The following EP400 variants were observed in gnomAD, a reference collection of about 807,000 sequenced individuals.
The protein encoded by EP400 is E1A-binding protein p400.
In EP400, 105 loss-of-function variants were observed where a neutral mutation model predicts 354.1. The ratio of observed to expected loss-of-function variants is 0.30; its 90% CI spans 0.25 to 0.35. EP400 has a LOEUF of 0.35. EP400 is among the 10% of genes least tolerant of loss of function. The pLI is 1.00. For synonymous variants in EP400, 1,646 were observed against 1,716.9 expected, an observed-to-expected ratio of 0.96 and a Z score of 1.02; for missense variants, 3,280 against 4,121.0, an observed-to-expected ratio of 0.80 and a Z score of 5.59.
At position 132,028,281 on chromosome 12, in the gene EP400, A is replaced by G; in HGVS notation, c.5374A>G (p.Ile1792Val). The G allele has an allele frequency of 6.2e-7, 1 of 1,613,236 alleles. No homozygotes were observed. Residue 1792 changes from isoleucine (I) to valine (V), a missense_variant, in exon 27 of 53, where the codon ATT becomes GTT. This residue lies in a region of EP400 where 459 missense variants were observed against 496.9 expected (regional missense o/e 0.92). Coordinates refer to ENST00000389561, the MANE Select transcript of EP400 (RefSeq NM_015409.5). Reference protein sequence around the residue: ...CRCGESLQDVIDRVAFVIPPV... With the variant: ...CRCGESLQDVVDRVAFVIPPV... ...GTGTGGAGAGTCTCTGCAGGATGTTATTGACAGGTACTGCAGACCTCGTGA... is the reference window on the plus strand; with the variant it reads ...GTGTGGAGAGTCTCTGCAGGATGTTGTTGACAGGTACTGCAGACCTCGTGA...
At chr12:131,959,845 G>A (rs1328364676) in intron 1 of EP400, among the ~76,000 whole-genome samples, 1 of 152,204 alleles carries the variant, frequency 6.6e-6, no homozygotes, top group Non-Finnish European at 1.5e-5. Flanking sequence ...CCAGGGCAAG[G>A]ACTGTCTTAC....
intron 2 of EP400, among the ~76,000 whole-genome samples, chr12:131,979,033 G>A (rs1049767345): frequency 2.6e-5 from 4 of 151,984 alleles, no homozygotes; most frequent in East Asian, 1.9e-4. Context: ...TGGCTAATGC[G>A]GTGAAACCCC....
chr12:132,045,022 C>CT (rs1482032764), intron 37 of EP400, 69 bp downstream of exon 37: 1 of 1,583,992 alleles, frequency 6.3e-7, no homozygotes, highest in South Asian at 1.1e-5. Flanking sequence ...ATGTCAGCCA[C>CT]TTTCTGCTGT....
chr12:132,076,815 C>T (rs1477324208), intron 52 of EP400, among the ~76,000 whole-genome samples: 1 of 152,244 alleles, frequency 6.6e-6, no homozygotes, highest in East Asian at 1.9e-4. Flanking sequence ...GGCTCATTCC[C>T]AGGACCCTTC....
At chr12:131,986,349 G>A (rs758464358) in intron 5 of EP400, among the ~76,000 whole-genome samples, 165 bp from the exon 6 acceptor site, 2 of 152,236 alleles carry the variant, frequency 1.3e-5, no homozygotes, top group African/African-American at 2.4e-5. Flanking sequence ...TTGTGGACAC[G>A]TTAGTGTTGG....
At chr12:132,060,245 C>T (rs1474102709) in intron 45 of EP400, among the ~76,000 whole-genome samples, 1 of 152,068 alleles carries the variant, frequency 6.6e-6, no homozygotes, top group Non-Finnish European at 1.5e-5. Context: ...ACATCCTACA[C>T]ACAACATGGG....
chr12:132,077,279 C>T (rs1896265676), intron 52 of EP400, 122 bp from the exon 53 acceptor site: 8 of 1,245,440 alleles, frequency 6.4e-6, no homozygotes, highest in Admixed American at 2.4e-5. Flanking sequence ...GTCATTCTTC[C>T]GTGTCATAAA....
intron 2 of EP400, among the ~76,000 whole-genome samples, chr12:131,976,953 C>T (rs541238940): frequency 3.9e-5 from 6 of 152,246 alleles, no homozygotes; most frequent in African/African-American, 9.6e-5. Flanking sequence ...AGGTTTGAGC[C>T]GTTCCATAGA....
chr12:131,963,542 T>C, intron 2 of EP400: 3 of 1,598,042 alleles, frequency 1.9e-6, no homozygotes, highest in Non-Finnish European at 2.5e-6. Flanking sequence ...GTAAAGGTTG[T>C]GACAGGAAAG....
Position 132,077,971 on chromosome 12 carries a change from T to C in EP400, c.*298T>C. The stretch of plus-strand genomic sequence containing the variant: ...CACCCGTCCCCTAGAGCCATAGTAC[T>C]GTGTTCTGAAAGCCATTTAGAATTT... On this transcript the variant is annotated 3_prime_UTR_variant, in exon 53 of 53. Transcript: ENST00000389561. The C allele has an allele frequency of 5.2e-6, 2 of 381,140 alleles. No homozygotes were observed. Among genetic ancestry groups the C allele is most frequent in the East Asian group, 4.7e-5 (1 of 21,318 alleles). The allele number at this position is 381,140 out of a possible 1,614,324, so 23.6% of individuals were successfully genotyped here.
intron 48 of EP400, chr12:132,066,399 G>A (rs1000100705): frequency 4.8e-6 from 1 of 208,416 alleles, no homozygotes; most frequent in African/African-American, 2.4e-5. Flanking sequence ...TGAGGGACAG[G>A]CTGATGTCGA....
At chr12:132,002,978 G>A (rs1893467207) in intron 12 of EP400, among the ~76,000 whole-genome samples, 1 of 152,150 alleles carries the variant, frequency 6.6e-6, no homozygotes, top group African/African-American at 2.4e-5. Context: ...ATGTCCATGG[G>A]TTTCAAATCC....
chr12:132,020,978 G>A lies in EP400; in HGVS notation c.4448-101G>A, dbSNP rs545288706. ...GAGGGGACTTCTCATTTGAGAGACG[G>A]TGTGAAATGTTTATTTTATTTCTTT... On this transcript the variant is annotated intron_variant, in intron 22 of 52. Coordinates refer to ENST00000389561, the MANE Select transcript of EP400 (RefSeq NM_015409.5). 8.7e-5 allele frequency: 121 copies of A among 1,396,412 alleles called. No homozygotes were observed. The African/African-American group carries it at 1.6e-3, about 19-fold the overall frequency. 86.5% of individuals were successfully genotyped at this position (1,396,412 alleles called of 1,614,324 possible). A position where few individuals can be genotyped will look rare whatever the true frequency, so the allele number is the denominator to read the frequency against.
chr12:131,999,390 T>G (rs1212651749), intron 12 of EP400, among the ~76,000 whole-genome samples: 1 of 152,142 alleles, frequency 6.6e-6, no homozygotes, highest in East Asian at 1.9e-4. Context: ...TTTATAAGAT[T>G]AGTGAAGTTT....
rs372576753 is a variant in EP400 at position 132,055,162 on chromosome 12, C to A, written c.7838C>A (p.Ser2613Tyr). The A allele has an allele frequency of 6.3e-6, 10 of 1,599,680 alleles. No individual in the cohort carries two copies. Among genetic ancestry groups the A allele is most frequent in the Non-Finnish European group, 8.5e-6 (10 of 1,172,802 alleles). The change falls in exon 45 of 53, where the codon TCC (serine) becomes TAC (tyrosine). Residue 2613 changes from serine (S) to tyrosine (Y), a missense_variant. Around this residue, in one of 20 missense-constraint regions of EP400, gnomAD observed 255 missense variants for 295.9 expected, o/e 0.86. Transcript: ENST00000389561. ...IAGVPAATFQ[S>Y]INKRLASPVA... ...GGGGTCCCAGCTGCCACCTTCCAGT[C>A]CATCAACAAGCGCCTGGCGTCGCCA...
chr12:132,012,924 C>T (rs1893811213), intron 16 of EP400, 85 bp from the exon 17 acceptor site: 1 of 1,399,414 alleles, frequency 7.1e-7, no homozygotes. Context: ...CACTGGGTGG[C>T]AAGCTTTGGG....
At chr12:132,048,543 C>T (rs1233274512) in intron 39 of EP400, among the ~76,000 whole-genome samples, 7 of 133,150 alleles carry the variant, frequency 5.3e-5, no homozygotes, top group Admixed American at 3.8e-4. Flanking sequence ...TTTTTTTAGA[C>T]GGGAATTTCA....
Position 131,992,181 on chromosome 12 carries a change from A to G in EP400, c.2688A>G (p.Gly896=). 5 of 1,608,336 alleles carry G rather than the reference A, an allele frequency of 3.1e-6. No individual in the cohort carries two copies. In the South Asian group the frequency reaches 4.4e-5, roughly 14 times the overall value. Residue 896 remains glycine, a synonymous_variant, in exon 11 of 53, where the codon GGA becomes GGG. Transcript: ENST00000389561. The part of the protein sequence containing the change: ...DALQESSLDS[G]MSGRKRKASI... Reference sequence around the variant, plus strand: ...TCTTTCTTTTCTTTCAGGATTCAGGAATGTCTGGAAGAAAAAGAAAAGCTA... The same window carrying G: ...TCTTTCTTTTCTTTCAGGATTCAGGGATGTCTGGAAGAAAAAGAAAAGCTA...
chr12:132,069,148 C>T (rs1326535021), intron 50 of EP400: 4 of 262,382 alleles, frequency 1.5e-5, no homozygotes, highest in East Asian at 7.0e-5. Context: ...AGATTGTGAT[C>T]GCTTTCAGTC....
Sources: gnomAD v4.1 joint callset for allele counts (sites outside exome capture counted in the v4.1 genomes callset) on GRCh38, gnomAD v4.1.1 for gene constraint, gnomAD v4.1.1 regional missense constraint, MANE v1.5 for transcripts, NCBI Gene and HGNC (gene_info 2026-07-23, HGNC 2026-07-21) for gene names.